CDH11: variants seen among roughly 807,000 people sequenced by gnomAD.
CDH11 encodes the protein cadherin 11, also known as cadherin-11.
A neutral mutation model predicts 67.8 loss-of-function variants in CDH11; 11 were observed. That is an observed-to-expected ratio of 0.16 (90% CI 0.10 to 0.27). The LOEUF is 0.27. Among genes scored for constraint, CDH11 ranks in the 10% least tolerant of loss-of-function variants. The pLI, the probability that CDH11 is intolerant of heterozygous loss-of-function variation, is 1.00. For synonymous variants in CDH11, 419 were observed against 400.0 expected, an observed-to-expected ratio of 1.05 and a Z score of -0.57; for missense variants, 847 against 1,031.2, an observed-to-expected ratio of 0.82 and a Z score of 2.45.
chr16:64,989,178 T>A (rs1271549945), intron 6 of CDH11, among the ~76,000 whole-genome samples: 1 of 152,078 alleles, frequency 6.6e-6, no homozygotes, highest in Non-Finnish European at 1.5e-5. Flanking sequence ...GTGAGGGTTC[T>A]GAGAGTGGGT....
At position 64,982,051 on chromosome 16, in the gene CDH11, A is replaced by T; in HGVS notation, c.1250T>A (p.Ile417Lys). The change falls in exon 8 of 13, where the codon ATA (isoleucine) becomes AAA (lysine). Residue 417 changes from isoleucine (I) to lysine (K), a missense_variant. By Grantham distance (102) the Ile-to-Lys change is moderately radical. Transcript: ENST00000268603. ...CTTAAAATAAATCCGTCTGTACCTT[A>T]TCGGGCTGTTGGCAGCATCAGGGTC... ...AKDPDAANSP[I>K]RYSIDRHTDL... is the part of the protein sequence containing the mutation. 1.2e-6 allele frequency: 2 copies of T among 1,611,490 alleles called. No individual in the cohort carries two copies. The highest frequency in any genetic ancestry group is 1.7e-6 in the Non-Finnish European group (2 of 1,178,616).
At chr16:65,082,918 G>T (rs2074635059) in intron 1 of CDH11, among the ~76,000 whole-genome samples, 1 of 152,116 alleles carries the variant, frequency 6.6e-6, no homozygotes, top group Non-Finnish European at 1.5e-5. Flanking sequence ...CCTGTAATAG[G>T]CTGTGGGCAC....
chr16:64,949,633 T>C (rs2071302050), intron 12 of CDH11, among the ~76,000 whole-genome samples: 1 of 152,022 alleles, frequency 6.6e-6, no homozygotes, highest in Non-Finnish European at 1.5e-5. Flanking sequence ...TCCATGTTGT[T>C]CAGGCTGGTC....
chr16:65,007,891 T>C (rs915715079), intron 2 of CDH11, among the ~76,000 whole-genome samples: 1 of 152,190 alleles, frequency 6.6e-6, no homozygotes, highest in Non-Finnish European at 1.5e-5. Context: ...AATATATGAT[T>C]TGAATCTCAC....
chr16:65,098,954 A>T (rs148474142), intron 1 of CDH11, among the ~76,000 whole-genome samples: 1 of 152,270 alleles, frequency 6.6e-6, no homozygotes, highest in African/African-American at 2.4e-5. Context: ...TCACTTTCAG[A>T]TCTCTATTAT....
chr16:65,094,580 G>A (rs2074853441), intron 1 of CDH11: 1 of 152,066 alleles, frequency 6.6e-6, no homozygotes, highest in South Asian at 2.1e-4. Context: ...CTCAGCCAGT[G>A]ACTCTTCCAT....
chr16:65,052,605 G>C (rs2074076293), intron 2 of CDH11, among the ~76,000 whole-genome samples: 1 of 152,088 alleles, frequency 6.6e-6, no homozygotes, highest in African/African-American at 2.4e-5. Context: ...TCCCATTAAA[G>C]GATCCTAGAA....
intron 2 of CDH11, among the ~76,000 whole-genome samples, chr16:65,017,958 G>A (rs1597097896): frequency 6.6e-6 from 1 of 152,176 alleles, no homozygotes; most frequent in East Asian, 1.9e-4. Flanking sequence ...TGCAAAATAA[G>A]TTTTAGCCTT....
rs915130531 is a variant in CDH11 at position 64,948,922 on chromosome 16, G to T, written c.1895-823C>A. 3 of 647,930 alleles carry T rather than the reference G, an allele frequency of 4.6e-6. No homozygotes were observed. In the African/African-American group the frequency reaches 5.5e-5, roughly 12 times the overall value. The allele number at this position is 647,930 out of a possible 1,614,324, so 40.1% of individuals were successfully genotyped here. A position where few individuals can be genotyped will look rare whatever the true frequency, so the allele number is the denominator to read the frequency against. On this transcript the variant is annotated intron_variant, in intron 12 of 12. Coordinates refer to ENST00000268603, the MANE Select transcript of CDH11 (RefSeq NM_001797.4). ...CTCCCATACACCCAGCAAGGCTGAA[G>T]AAAATGTTTGTGGCTGAATCTTGCA...
chr16:65,083,790 C>A (rs1289597917), intron 1 of CDH11, among the ~76,000 whole-genome samples: 1 of 152,140 alleles, frequency 6.6e-6, no homozygotes, highest in Non-Finnish European at 1.5e-5. Flanking sequence ...CCCCATGCCA[C>A]CTAGGAAGTA....
At chr16:65,061,089 T>A (rs560340307) in intron 1 of CDH11, among the ~76,000 whole-genome samples, 1 of 152,358 alleles carries the variant, frequency 6.6e-6, no homozygotes, top group Non-Finnish European at 1.5e-5. Context: ...CAGGATTCCC[T>A]TAGTGTAACA....
chr16:65,096,765 C>T (rs1567576223), intron 1 of CDH11, among the ~76,000 whole-genome samples: 1 of 151,650 alleles, frequency 6.6e-6, no homozygotes, highest in Admixed American at 6.6e-5. Flanking sequence ...CGACTAATAC[C>T]TTATGTATAT....
chr16:64,994,227 T>C (rs945778164), intron 4 of CDH11, among the ~76,000 whole-genome samples: 2 of 152,184 alleles, frequency 1.3e-5, no homozygotes, highest in African/African-American at 2.4e-5. Flanking sequence ...TTTGGAGCTC[T>C]TCCCATTTGT....
intron 11 of CDH11, among the ~76,000 whole-genome samples, chr16:64,963,509 A>G (rs2071728157): frequency 6.6e-6 from 1 of 152,212 alleles, no homozygotes; most frequent in Admixed American, 6.5e-5. Context: ...GAAACAGAAG[A>G]GAGAAAGAAA....
Position 64,982,182 on chromosome 16 carries a change from T to G in CDH11, c.1119A>C (p.Ser373=). 1 of 1,614,072 alleles carries G rather than the reference T, an allele frequency of 6.2e-7. No homozygotes were observed. Among genetic ancestry groups the G allele is most frequent in the Non-Finnish European group, 8.5e-7 (1 of 1,179,980 alleles). ...PFKDTVTVKI[S]VEDADEPPMF... ...TAGGGGGCTCATCAGCATCTTCTAC[T>G]GAGATCTTGACGGTCACAGTGTCCT... The change falls in exon 8 of 13, where the codon TCA becomes TCC. Residue 373 remains serine (S), a synonymous_variant. Coordinates refer to ENST00000268603, the MANE Select transcript of CDH11 (RefSeq NM_001797.4).
intron 1 of CDH11, among the ~76,000 whole-genome samples, chr16:65,069,886 C>G (rs538991495): frequency 6.6e-6 from 1 of 152,236 alleles, no homozygotes; most frequent in African/African-American, 2.4e-5. Flanking sequence ...GTGCTGGGGA[C>G]CAGGGACACG....
intron 2 of CDH11, among the ~76,000 whole-genome samples, chr16:65,042,741 T>C (rs1520231): frequency 0.52 from 78,926 of 152,004 alleles, 20,939 homozygotes; most frequent in East Asian, 0.78. Context: ...CTGTCTTCCC[T>C]CCATCTGGTA....
At chr16:65,026,678 G>T (rs2073541187) in intron 2 of CDH11, among the ~76,000 whole-genome samples, 1 of 152,074 alleles carries the variant, frequency 6.6e-6, no homozygotes, top group Admixed American at 6.5e-5. Flanking sequence ...CAAACACCAG[G>T]GGTTCCTTTC....
chr16:65,075,460 C>T (rs1198856474), intron 1 of CDH11, among the ~76,000 whole-genome samples: 2 of 152,210 alleles, frequency 1.3e-5, no homozygotes, highest in African/African-American at 2.4e-5. Context: ...GACTCTCACT[C>T]AAGCATTGTT....
Sources: gnomAD v4.1 joint callset for allele counts (sites outside exome capture counted in the v4.1 genomes callset) on GRCh38, gnomAD v4.1.1 for gene constraint, MANE v1.5 for transcripts, NCBI Gene and HGNC (gene_info 2026-07-23, HGNC 2026-07-21) for gene names.